Variants in FAM227B observed in about 807,000 individuals in gnomAD.
The protein encoded by FAM227B is protein FAM227B.
Under a neutral mutation model 73.8 loss-of-function variants are expected in FAM227B, and 88 were observed. The ratio of observed to expected loss-of-function variants is 1.19; its 90% confidence interval spans 1.00 to 1.42. FAM227B has a LOEUF of 1.42. FAM227B is among the 40% of genes most tolerant of loss of function. The pLI is 0.00. For missense variants in FAM227B, 632 were observed against 590.9 expected, an observed-to-expected ratio of 1.07 and a Z score of -0.72; for synonymous variants, 210 against 190.5, an observed-to-expected ratio of 1.10 and a Z score of -0.84.
At chr15:49,405,245 G>T (rs1377971419) in intron 11 of FAM227B, among the ~76,000 whole-genome samples, 1 of 152,060 alleles carries the variant, frequency 6.6e-6, no homozygotes, top group Non-Finnish European at 1.5e-5. Context: ...TGATCTTCTT[G>T]TGTGAAATAT....
chr15:49,365,941 A>G, intron 13 of FAM227B: 1 of 941,002 alleles, frequency 1.1e-6, no homozygotes, highest in East Asian at 2.4e-5. Context: ...AATTGCTATC[A>G]TAACATAAAC....
intron 11 of FAM227B, among the ~76,000 whole-genome samples, chr15:49,494,256 A>ACACACACACACAC (rs1467706350): frequency 6.5e-4 from 92 of 140,710 alleles, no homozygotes; most frequent in African/African-American, 2.3e-3. Flanking sequence ...GAGACACACA[A>ACACACACACACAC]ACACACACAC....
At chr15:49,494,256 A>ACACACACACACACAC (rs1467706350) in intron 11 of FAM227B, among the ~76,000 whole-genome samples, 77 of 140,604 alleles carry the variant, frequency 5.5e-4, no homozygotes, top group African/African-American at 1.8e-3. Flanking sequence ...GAGACACACA[A>ACACACACACACACAC]ACACACACAC....
intron 11 of FAM227B, among the ~76,000 whole-genome samples, chr15:49,425,915 T>C (rs1174282870): frequency 2.6e-5 from 4 of 151,598 alleles, no homozygotes; most frequent in South Asian, 4.1e-4. Context: ...TTGGAGAAAA[T>C]TTTTTTGATA....
At chr15:49,421,581 CTTAG>C (rs1379775222) in intron 11 of FAM227B, among the ~76,000 whole-genome samples, 2 of 152,176 alleles carry the variant, frequency 1.3e-5, no homozygotes, top group African/African-American at 4.8e-5. Context: ...GTATTTAGCA[CTTAG>C]TTAGCAAATG....
At chr15:49,552,124 T>C (rs1056167000) in intron 9 of FAM227B, among the ~76,000 whole-genome samples, 21 of 152,246 alleles carry the variant, frequency 1.4e-4, no homozygotes, top group Non-Finnish European at 2.6e-4. Flanking sequence ...ATTAATGTTT[T>C]TTCTTTCTAA....
At chr15:49,387,819 T>C (rs1011059674) in intron 11 of FAM227B, among the ~76,000 whole-genome samples, 1 of 151,522 alleles carries the variant, frequency 6.6e-6, no homozygotes, top group African/African-American at 2.4e-5. Flanking sequence ...AATATCATTG[T>C]TGATGTATAG....
intron 11 of FAM227B, among the ~76,000 whole-genome samples, chr15:49,506,762 T>C (rs1330072581): frequency 6.6e-6 from 1 of 152,000 alleles, no homozygotes; most frequent in Non-Finnish European, 1.5e-5. Flanking sequence ...TTTAATTAAG[T>C]GATAAAATAC....
In FAM227B at chr15:49,568,476, C is replaced by T. The variant is rs573916355; in HGVS notation, c.646-130G>A. On this transcript the variant is annotated intron_variant, in intron 8 of 15. Coordinates refer to ENST00000299338, the MANE Select transcript of FAM227B (RefSeq NM_152647.3). ...ACAGGAGAATCAGCATGGGTTTTCG[C>T]ATAATGCAGACCCAAATTTTAACAC... 260 of 717,596 alleles carry T rather than the reference C, an allele frequency of 3.6e-4. No individual in the cohort carries two copies. In the African/African-American group the frequency reaches 4.1e-3, roughly 11 times the overall value. The allele number at this position is 717,596 out of a possible 1,614,324, so 44.5% of individuals were successfully genotyped here.
At chr15:49,416,281 C>T (rs914364172) in intron 11 of FAM227B, among the ~76,000 whole-genome samples, 5 of 151,652 alleles carry the variant, frequency 3.3e-5, no homozygotes, top group Non-Finnish European at 5.9e-5. Context: ...CACCGAGTAT[C>T]TATTTGATAA....
intron 8 of FAM227B, among the ~76,000 whole-genome samples, chr15:49,571,512 G>A (rs1170020765): frequency 6.6e-6 from 1 of 151,668 alleles, no homozygotes; most frequent in Non-Finnish European, 1.5e-5. Context: ...TTTAATTCAT[G>A]CTGACTTTTG....
Position 49,568,265 on chromosome 15 carries a change from G to C in FAM227B, c.727C>G (p.Arg243Gly). 1 of 1,605,226 alleles carries C rather than the reference G, an allele frequency of 6.2e-7. No individual in the cohort carries two copies. The highest frequency in any genetic ancestry group is 8.5e-7 in the Non-Finnish European group (1 of 1,176,342). Residue 243 changes from arginine to glycine, a missense_variant, in exon 9 of 16, where the codon CGA becomes GGA. Physicochemically the swap from Arg to Gly is moderately radical, Grantham distance 125. Transcript: ENST00000299338. ...CTTACCTGAAAAAATGCATCCTTTC[G>C]ACTTAGAGGTATGCTCATGAAAAGT... Reference protein sequence around the residue: ...VTLFMSIPLSRKDAFFQIYPD... With the variant: ...VTLFMSIPLSGKDAFFQIYPD...
At chr15:49,613,143 G>T (rs999913393) in intron 2 of FAM227B, among the ~76,000 whole-genome samples, 2 of 151,926 alleles carry the variant, frequency 1.3e-5, no homozygotes, top group African/African-American at 4.8e-5. Context: ...TTGAGCCCAG[G>T]AGTTTGAGAC....
At chr15:49,602,425 T>C (rs985292363) in intron 3 of FAM227B, among the ~76,000 whole-genome samples, 1 of 152,260 alleles carries the variant, frequency 6.6e-6, no homozygotes, top group South Asian at 2.1e-4. Context: ...ATATGACTGT[T>C]TGCCATTTGT....
chr15:49,508,292 T>C lies in FAM227B; in HGVS notation c.931A>G (p.Thr311Ala), dbSNP rs200704844. 24 of 1,611,192 alleles carry C rather than the reference T, an allele frequency of 1.5e-5. No homozygotes were observed. Among genetic ancestry groups the C allele is most frequent in the Non-Finnish European group, 1.9e-5 (22 of 1,178,754 alleles). ...IHWKLKELST[T>A]TIHGSKKAPA... ...GCTTTTTTGCTACCATGAATGGTGG[T>C]TGTGGAGAGTTCTTTCAGTTTCCAG... Residue 311 changes from threonine to alanine, a missense_variant, in exon 11 of 16, where the codon ACC (threonine) becomes GCC (alanine). Thr to Ala is a moderately conservative substitution (Grantham distance 58). Coordinates refer to ENST00000299338, the MANE Select transcript of FAM227B (RefSeq NM_152647.3).
chr15:49,572,030 G>A (rs2075141102), intron 8 of FAM227B, among the ~76,000 whole-genome samples: 1 of 151,806 alleles, frequency 6.6e-6, no homozygotes, highest in Non-Finnish European at 1.5e-5. Context: ...TCTTTCATCA[G>A]TATTTTATAT....
intron 9 of FAM227B, among the ~76,000 whole-genome samples, chr15:49,556,858 A>G (rs1007166960): frequency 4.6e-5 from 7 of 152,192 alleles, no homozygotes; most frequent in African/African-American, 1.7e-4. Flanking sequence ...CACAGGCTAC[A>G]GTCCTGCTCC....
At chr15:49,393,874 T>C (rs539590451) in intron 11 of FAM227B, among the ~76,000 whole-genome samples, 1 of 152,124 alleles carries the variant, frequency 6.6e-6, no homozygotes, top group South Asian at 2.1e-4. Flanking sequence ...TAGTAAAACA[T>C]AATCTAAGAA....
chr15:49,509,256 A>T (rs1483290544), intron 10 of FAM227B, among the ~76,000 whole-genome samples: 2 of 152,106 alleles, frequency 1.3e-5, no homozygotes, highest in Admixed American at 6.6e-5. Flanking sequence ...AAAAGCATTT[A>T]AAAAACATGC....
Sources: gnomAD v4.1 joint callset for allele counts (sites outside exome capture counted in the v4.1 genomes callset) on GRCh38, gnomAD v4.1.1 for gene constraint, MANE v1.5 for transcripts, NCBI Gene and HGNC (gene_info 2026-07-23, HGNC 2026-07-21) for gene names.